The following SPATC1L variants were observed in gnomAD, a reference collection of about 807,000 sequenced individuals.
The protein encoded by SPATC1L is speriolin-like protein.
Under a neutral mutation model 21.2 loss-of-function variants are expected in SPATC1L, and 20 were observed. The ratio of observed to expected loss-of-function variants is 0.94; its 90% CI spans 0.66 to 1.37. The LOEUF is 1.37. Among genes scored for constraint, SPATC1L ranks in the 40% most tolerant of loss-of-function variants. SPATC1L has a pLI of 0.00. For synonymous variants in SPATC1L, 290 were observed against 234.5 expected, an observed-to-expected ratio of 1.24 and a Z score of -2.16; for missense variants, 499 against 478.7, an observed-to-expected ratio of 1.04 and a Z score of -0.40.
chr21:46,166,209 T>C (rs111846202), intron 3 of SPATC1L, among the ~76,000 whole-genome samples: 16,043 of 152,030 alleles, frequency 0.11, 1,486 homozygotes, highest in African/African-American at 0.25. Flanking sequence ...CTACTAAAAA[T>C]ACAAAGATTA....
Position 46,161,952 on chromosome 21 carries a change from G to A in SPATC1L, c.660C>T (p.Gly220=), listed in dbSNP as rs149481630. 8.8e-3 allele frequency: 14,193 copies of A among 1,608,122 alleles called. 129 individuals carry two copies. The highest frequency in any genetic ancestry group is 0.017 in the Middle Eastern group (101 of 6,056). Residue 220 remains glycine, a synonymous_variant, in exon 4 of 5, where the codon GGC becomes GGT. Coordinates refer to ENST00000291672, the MANE Select transcript of SPATC1L (RefSeq NM_001142854.2). ...TCTCGGGGATGTTGGCCACCGTGAA[G>A]CCGTAGAGCCGCGTCACGCCCGGGA... ...YVFPGVTRLY[G]FTVANIPEKI...
chr21:46,180,933 C>T (rs148647112), intron 2 of SPATC1L, among the ~76,000 whole-genome samples: 2 of 152,324 alleles, frequency 1.3e-5, no homozygotes, highest in African/African-American at 4.8e-5. Context: ...GGGCAGCAGC[C>T]GTGGTCATGG....
Position 46,180,171 on chromosome 21 carries a change from G to C in SPATC1L, c.193+2453C>G, listed in dbSNP as rs560914404. Among the ~76,000 whole-genome samples the C allele has an allele frequency of 1.7e-4, 26 of 152,350 alleles. No homozygotes were observed. In the East Asian group the frequency reaches 5.0e-3, roughly 29 times the overall value. On this transcript the variant is annotated intron_variant, in intron 2 of 4. Transcript: ENST00000291672. ...CTGGGAACAGTGCTGCCTGCCTGGG[G>C]CCCCCACAGAAGGAGCCCAGTGTTC...
rs1300363690 is a variant in SPATC1L, at chr21:46,182,681, C to T, written c.136G>A (p.Asp46Asn). 8 of 1,542,380 alleles carry T rather than the reference C, an allele frequency of 5.2e-6. No homozygotes were observed. The highest frequency in any genetic ancestry group is 1.4e-5 in the African/African-American group (1 of 73,062). ...GCATGCGCCCTGGGTGGGAGCAGGT[C>T]GTGGCCGCCGCCCTCCTGGCAGCTC... ...SQSCQEGGGH[D>N]LLPPRAHAYP... is the part of the protein sequence containing the mutation. Residue 46 changes from aspartate to asparagine, a missense_variant, in exon 2 of 5, where the codon GAC (aspartate) becomes AAC (asparagine). Transcript: ENST00000291672.
chr21:46,181,206 G>A (rs576773930), intron 2 of SPATC1L, among the ~76,000 whole-genome samples: 12 of 152,338 alleles, frequency 7.9e-5, no homozygotes, highest in African/African-American at 2.4e-4. Context: ...TGCTGTGAAC[G>A]GGACCCTGCA....
intron 3 of SPATC1L, among the ~76,000 whole-genome samples, chr21:46,165,738 C>T (rs115348866): frequency 0.1 from 15,604 of 151,782 alleles, 1,240 homozygotes; most frequent in African/African-American, 0.24. Flanking sequence ...CCTATAGAAA[C>T]CTTCTGACTT....
rs1252025099 is a variant in SPATC1L, at chr21:46,183,601, G to A, written c.-785C>T. On this transcript the variant is annotated 5_prime_UTR_variant, in exon 2 of 5. Coordinates refer to ENST00000291672, the MANE Select transcript of SPATC1L (RefSeq NM_001142854.2). The stretch of plus-strand genomic sequence containing the variant: ...ACCAGCCTGGTGAGGAGACCAGCCT[G>A]GGGGAGGAGACCAGCCTTGTGGGGG... 3.6e-5 allele frequency: 3 copies of A among 83,610 alleles called. No individual in the cohort carries two copies. Among genetic ancestry groups the A allele is most frequent in the South Asian group, 5.7e-4 (2 of 3,506 alleles). 5.2% of individuals were successfully genotyped at this position (83,610 alleles called of 1,614,324 possible). A position where few individuals can be genotyped will look rare whatever the true frequency, so the allele number is the denominator to read the frequency against.
intron 2 of SPATC1L, among the ~76,000 whole-genome samples, chr21:46,178,686 A>G (rs1263921964): frequency 6.6e-6 from 1 of 151,974 alleles, no homozygotes; most frequent in Non-Finnish European, 1.5e-5. Context: ...CAGGAGTCCA[A>G]GATCAGCCTA....
At position 46,161,301 on chromosome 21, in the gene SPATC1L, G is replaced by A. The variant is rs1793750612; in HGVS notation, c.*78C>T. On this transcript the variant is annotated 3_prime_UTR_variant, in exon 5 of 5. Transcript: ENST00000291672. ...GGGACGCGGCCCTTTCCCCTCCGGG[G>A]GGACGCGCAGGAGGCACCGCGGCCC... is the stretch of plus-strand genomic sequence containing the variant. 3.0e-6 allele frequency: 4 copies of A among 1,344,756 alleles called. No homozygotes were observed. The highest frequency in any genetic ancestry group is 3.9e-6 in the Non-Finnish European group (4 of 1,024,748). 83.3% of individuals were successfully genotyped at this position (1,344,756 alleles called of 1,614,324 possible). A position where few individuals can be genotyped will look rare whatever the true frequency, so the allele number is the denominator to read the frequency against.
At chr21:46,164,569 G>A (rs1424095610) in intron 3 of SPATC1L, among the ~76,000 whole-genome samples, 1 of 151,986 alleles carries the variant, frequency 6.6e-6, no homozygotes, top group Non-Finnish European at 1.5e-5. Flanking sequence ...CGAGGTGGGT[G>A]GATCACAAGG....
rs1380516772 is a variant in SPATC1L, at chr21:46,183,508, C to T, written c.-692G>A. On this transcript the variant is annotated 5_prime_UTR_variant, in exon 2 of 5. Transcript: ENST00000291672. ...GAGGAGACCAGCCTGCAGGGGAGAC[C>T]AGCTTGCGGGGGAGACCAGCCTGCG... is the stretch of plus-strand genomic sequence containing the variant. The T allele has an allele frequency of 7.8e-6, 1 of 128,860 alleles. No homozygotes were observed. Among genetic ancestry groups the T allele is most frequent in the Non-Finnish European group, 1.8e-5 (1 of 55,254 alleles). The allele number at this position is 128,860 out of a possible 1,614,324, so 8.0% of individuals were successfully genotyped here. A position where few individuals can be genotyped will look rare whatever the true frequency, so the allele number is the denominator to read the frequency against.
intron 2 of SPATC1L, among the ~76,000 whole-genome samples, chr21:46,180,783 C>T (rs1311511332): frequency 6.6e-6 from 1 of 152,216 alleles, no homozygotes; most frequent in African/African-American, 2.4e-5. Context: ...GCTGCCAGCC[C>T]GGGCCACACT....
chr21:46,181,148 A>T (rs140349121), intron 2 of SPATC1L, among the ~76,000 whole-genome samples: 70 of 152,298 alleles, frequency 4.6e-4, no homozygotes, highest in African/African-American at 1.5e-3. Flanking sequence ...CACACACGCC[A>T]AACAGATTAA....
rs1377438528 is a variant in SPATC1L, at chr21:46,168,322, C to T, written c.530G>A (p.Ser177Asn). Reference sequence around the variant, plus strand: ...CCCGGCCATACCATTGAGGTAGTAGCTCCTCCTGGTCCTGTCCCCGGTGGG... The same window carrying T: ...CCCGGCCATACCATTGAGGTAGTAGTTCCTCCTGGTCCTGTCCCCGGTGGG... ...SLPTGDRTRR[S>N]YYLNEIQSFA... Residue 177 changes from serine to asparagine, a missense_variant, in exon 3 of 5, where the codon AGC becomes AAC. By Grantham distance (46) the Ser-to-Asn change is conservative. Coordinates refer to ENST00000291672, the MANE Select transcript of SPATC1L (RefSeq NM_001142854.2). 1.2e-5 allele frequency: 19 copies of T among 1,581,504 alleles called. No individual in the cohort carries two copies. The highest frequency in any genetic ancestry group is 1.6e-5 in the Non-Finnish European group (19 of 1,155,730).
rs1041534795 is a variant in SPATC1L at position 46,161,351 on chromosome 21, G to A, written c.*28C>T. ...CCGGGTTGGAACAAACGCGTTTACT[G>A]CAGGCAAGGCGGCGGGCGCGGGGCG... On this transcript the variant is annotated 3_prime_UTR_variant, in exon 5 of 5. Transcript: ENST00000291672. 2 of 1,487,406 alleles carry A rather than the reference G, an allele frequency of 1.3e-6. No homozygotes were observed. The highest frequency in any genetic ancestry group is 8.9e-7 in the Non-Finnish European group (1 of 1,124,090). The allele number at this position is 1,487,406 out of a possible 1,614,324, so 92.1% of individuals were successfully genotyped here. A position where few individuals can be genotyped will look rare whatever the true frequency, so the allele number is the denominator to read the frequency against.
At chr21:46,170,362 C>G (rs2079577114) in intron 2 of SPATC1L, among the ~76,000 whole-genome samples, 3 of 137,292 alleles carry the variant, frequency 2.2e-5, no homozygotes, top group African/African-American at 9.1e-5. Flanking sequence ...TGGGGAGGAG[C>G]CTCCTGCTCT....
chr21:46,162,273 C>T (rs2079505130), intron 3 of SPATC1L, among the ~76,000 whole-genome samples: 1 of 152,288 alleles, frequency 6.6e-6, no homozygotes, highest in South Asian at 2.1e-4. Context: ...CCCCTGTCCT[C>T]GGCTCCCTTC....
At chr21:46,165,297 A>G (rs2079532226) in intron 3 of SPATC1L, among the ~76,000 whole-genome samples, 1 of 152,248 alleles carries the variant, frequency 6.6e-6, no homozygotes, top group African/African-American at 2.4e-5. Flanking sequence ...AGGTCTTATG[A>G]TTAATGGTCC....
At chr21:46,179,312 G>C (rs574186076) in intron 2 of SPATC1L, among the ~76,000 whole-genome samples, 11 of 152,036 alleles carry the variant, frequency 7.2e-5, no homozygotes, top group South Asian at 4.2e-4. Flanking sequence ...TTAGGAGGTC[G>C]AGACAGAAGG....
Sources: allele counts gnomAD v4.1 joint callset (sites outside exome capture counted in the v4.1 genomes callset), GRCh38; gene constraint gnomAD v4.1.1; transcripts MANE v1.5; gene names NCBI Gene and HGNC (gene_info 2026-07-23, HGNC 2026-07-21).